The following CAP2 variants were observed in gnomAD, a reference collection of about 807,000 sequenced individuals.
The protein encoded by CAP2 is cyclase associated actin cytoskeleton regulatory protein 2.
In CAP2, 24 loss-of-function variants were observed where a neutral mutation model predicts 57.7. The ratio of observed to expected loss-of-function variants is 0.42; its 90% CI spans 0.30 to 0.58. The LOEUF is 0.58. CAP2 is among the 20% of genes least tolerant of loss of function. The probability of loss-of-function intolerance (pLI) is 0.22; values close to 1 mark genes in which losing one functional copy is unlikely to be tolerated. For missense variants in CAP2, 501 were observed against 590.3 expected (o/e 0.85, Z 1.57); for synonymous variants, 194 against 207.2 (o/e 0.94, Z 0.55).
At chr6:17,503,433 G>A (rs1423952415) in intron 4 of CAP2, among the ~76,000 whole-genome samples, 1 of 151,924 alleles carries the variant, frequency 6.6e-6, no homozygotes, top group African/African-American at 2.4e-5. Context: ...CCAAAACCCC[G>A]TCTCTTCTAA....
intron 4 of CAP2, among the ~76,000 whole-genome samples, chr6:17,477,740 G>A (rs1247928781): frequency 6.6e-6 from 1 of 152,106 alleles, no homozygotes; most frequent in Non-Finnish European, 1.5e-5. Flanking sequence ...TTGTTCCCAT[G>A]TATATAAGGA....
At chr6:17,476,078 G>T (rs538855614) in intron 4 of CAP2, among the ~76,000 whole-genome samples, 5 of 152,306 alleles carry the variant, frequency 3.3e-5, no homozygotes, top group South Asian at 2.1e-4. Flanking sequence ...GTTGTAATTT[G>T]AAGCTTCATA....
intron 7 of CAP2, among the ~76,000 whole-genome samples, chr6:17,522,653 G>A (rs1762418607): frequency 6.6e-6 from 1 of 152,200 alleles, no homozygotes; most frequent in South Asian, 2.1e-4. Context: ...TGAGAGAAAG[G>A]CTGGTGGTTT....
At chr6:17,521,638 C>A (rs772047301) in intron 7 of CAP2, among the ~76,000 whole-genome samples, 167 of 152,218 alleles carry the variant, frequency 1.1e-3, no homozygotes, top group Non-Finnish European at 1.7e-3. Flanking sequence ...CACGGAAACG[C>A]GCATTCTAGC....
chr6:17,527,347 G>A (rs992435817), intron 7 of CAP2, among the ~76,000 whole-genome samples: 1 of 152,088 alleles, frequency 6.6e-6, no homozygotes, highest in Non-Finnish European at 1.5e-5. Flanking sequence ...AGTATACTCT[G>A]CTATCTTTAA....
At chr6:17,467,157 G>A (rs965497089) in intron 4 of CAP2, among the ~76,000 whole-genome samples, 53 of 152,222 alleles carry the variant, frequency 3.5e-4, no homozygotes, top group African/African-American at 1.1e-3. Context: ...ATGAGTGGTC[G>A]GTTGTGGCTC....
At chr6:17,485,088 A>G (rs1047061852) in intron 4 of CAP2, among the ~76,000 whole-genome samples, 7 of 152,104 alleles carry the variant, frequency 4.6e-5, no homozygotes, top group Admixed American at 6.6e-5. Context: ...TCAGGGAGAG[A>G]ATTTGAGATA....
chr6:17,454,241 A>G (rs960320711), intron 3 of CAP2, among the ~76,000 whole-genome samples: 3 of 151,826 alleles, frequency 2.0e-5, no homozygotes, highest in African/African-American at 4.8e-5. Context: ...CCTGGGATGC[A>G]TGGGAGACCA....
intron 2 of CAP2, 73 bp from the exon 3 acceptor site, chr6:17,426,517 G>C: frequency 9.3e-7 from 1 of 1,072,402 alleles, no homozygotes; most frequent in Non-Finnish European, 1.5e-6. Context: ...TTACAGGTGT[G>C]AGCCACCGTG....
chr6:17,437,482 C>G, intron 3 of CAP2, among the ~76,000 whole-genome samples: 1 of 152,188 alleles, frequency 6.6e-6, no homozygotes, highest in East Asian at 1.9e-4. Flanking sequence ...AGGGGGATGT[C>G]AGTGGAGTTT....
At chr6:17,539,144 T>C in intron 7 of CAP2, 125 bp from the exon 8 acceptor site, 1 of 820,938 alleles carries the variant, frequency 1.2e-6, no homozygotes, top group South Asian at 1.7e-5. Flanking sequence ...GTGTGCCCTC[T>C]GGGAGCCTTT....
chr6:17,397,431 A>T (rs1158992906), intron 1 of CAP2, among the ~76,000 whole-genome samples: 2 of 151,856 alleles, frequency 1.3e-5, no homozygotes, highest in Non-Finnish European at 2.9e-5. Context: ...GTGGTGGCTC[A>T]CGCCTGTAAT....
intron 11 of CAP2, among the ~76,000 whole-genome samples, chr6:17,550,394 C>CT (rs10557884): frequency 0.11 from 5,691 of 52,068 alleles, 1,771 homozygotes; most frequent in East Asian, 0.19. Flanking sequence ...CTACCCCTGC[C>CT]TTTTTTTTTT....
At chr6:17,505,715 C>T (rs1761963430) in intron 4 of CAP2, among the ~76,000 whole-genome samples, 1 of 152,090 alleles carries the variant, frequency 6.6e-6, no homozygotes, top group African/African-American at 2.4e-5. Context: ...TTCTTTGGAG[C>T]ACACACAAAA....
chr6:17,449,621 C>A lies in CAP2; in HGVS notation c.223-13375C>A, dbSNP rs372610005. 3.5e-3 allele frequency among the ~76,000 whole-genome samples: 526 copies of A among 152,110 alleles called. 6 individuals are homozygous for A. Among genetic ancestry groups the A allele is most frequent in the African/African-American group, 0.012 (499 of 41,484 alleles). On this transcript the variant is annotated intron_variant, in intron 3 of 12. Transcript: ENST00000229922. ...GCGGGGTTTCGCCATGTTGACCAGGCTGGTCTGAAACTCCTGACCTCAGGT... is the reference window on the plus strand; with the variant it reads ...GCGGGGTTTCGCCATGTTGACCAGGATGGTCTGAAACTCCTGACCTCAGGT...
At position 17,551,453 on chromosome 6, in the gene CAP2, TCC is replaced by T. The variant is rs1478843413; in HGVS notation, c.1210-10_1210-9del. The T allele has an allele frequency of 6.3e-7, 1 of 1,582,316 alleles. No individual in the cohort carries two copies. Among genetic ancestry groups the T allele is most frequent in the South Asian group, 1.1e-5 (1 of 87,370 alleles). ...CTTTGCTTTGGTCCCAGGTATTTTT[TCC>T]TATTTCAGGTAATGGGGAGAGTGCC... On this transcript the variant is annotated splice_polypyrimidine_tract_variant and intron_variant, in intron 11 of 12. Transcript: ENST00000229922.
At chr6:17,458,209 C>G (rs1760627514) in intron 3 of CAP2, among the ~76,000 whole-genome samples, 1 of 152,178 alleles carries the variant, frequency 6.6e-6, no homozygotes, top group Non-Finnish European at 1.5e-5. Flanking sequence ...TTTGAAAGCC[C>G]TCTATTCTTC....
At chr6:17,503,756 T>A (rs989061407) in intron 4 of CAP2, among the ~76,000 whole-genome samples, 1 of 152,152 alleles carries the variant, frequency 6.6e-6, no homozygotes, top group Non-Finnish European at 1.5e-5. Flanking sequence ...AATATGGTAC[T>A]GGGGGTTAAG....
intron 7 of CAP2, among the ~76,000 whole-genome samples, chr6:17,538,232 T>C (rs1289915714): frequency 6.6e-6 from 1 of 151,662 alleles, no homozygotes; most frequent in African/African-American, 2.4e-5. Context: ...GGAGGATTAC[T>C]TAAAGCCAGG....
Sources: allele counts gnomAD v4.1 joint callset (sites outside exome capture counted in the v4.1 genomes callset), GRCh38; gene constraint gnomAD v4.1.1; transcripts MANE v1.5; gene names NCBI Gene and HGNC (gene_info 2026-07-23, HGNC 2026-07-21).